The following MYO3B variants were observed in gnomAD, a reference collection of about 807,000 sequenced individuals.
The protein encoded by MYO3B is myosin-IIIb.
A neutral mutation model predicts 174.6 loss-of-function variants in MYO3B; 156 were observed. The ratio of observed to expected loss-of-function variants is 0.89; its 90% CI spans 0.78 to 1.02. The LOEUF (loss-of-function observed/expected upper bound fraction) is 1.02, where lower values mean the gene tolerates loss of function less well. Among genes scored for constraint, MYO3B ranks in the 50% least tolerant of loss-of-function variants. The probability of loss-of-function intolerance (pLI) is 0.00; values close to 1 mark genes in which losing one functional copy is unlikely to be tolerated. For missense variants in MYO3B, 1,632 were observed against 1,639.4 expected (o/e 1.00, Z 0.08); for synonymous variants, 563 against 569.1 (o/e 0.99, Z 0.15).
intron 16 of MYO3B, among the ~76,000 whole-genome samples, chr2:170,393,187 G>C (rs530134864): frequency 6.6e-6 from 1 of 151,192 alleles, no homozygotes; most frequent in African/African-American, 2.4e-5. Flanking sequence ...GGCTTCAAGC[G>C]ATTCTCCTGC....
At chr2:170,191,678 C>T (rs999359587) in intron 1 of MYO3B, among the ~76,000 whole-genome samples, 2 of 152,276 alleles carry the variant, frequency 1.3e-5, no homozygotes, top group Admixed American at 6.5e-5. Flanking sequence ...AGATTATCTC[C>T]GTGCCACATG....
intron 7 of MYO3B, among the ~76,000 whole-genome samples, chr2:170,318,173 AAACT>A (rs1314415632): frequency 2.0e-5 from 3 of 152,210 alleles, no homozygotes; most frequent in Non-Finnish European, 4.4e-5. Context: ...TGTCATTGGG[AAACT>A]AACTAGTTGC....
chr2:170,475,191 T>C (rs1280609403), intron 25 of MYO3B, among the ~76,000 whole-genome samples: 2 of 152,202 alleles, frequency 1.3e-5, no homozygotes, highest in African/African-American at 2.4e-5. Context: ...GGACCCAGCA[T>C]AGAAGTGCTG....
chr2:170,555,011 A>G (rs1283353854), intron 32 of MYO3B, among the ~76,000 whole-genome samples: 1 of 152,054 alleles, frequency 6.6e-6, no homozygotes, highest in Non-Finnish European at 1.5e-5. Context: ...CAAACATACA[A>G]TTGTTTAATG....
intron 1 of MYO3B, among the ~76,000 whole-genome samples, chr2:170,190,003 C>T (rs1020909719): frequency 1.3e-5 from 2 of 152,162 alleles, no homozygotes; most frequent in African/African-American, 4.8e-5. Context: ...TTCAAAGGGA[C>T]ATGAGTGTTG....
intron 32 of MYO3B, among the ~76,000 whole-genome samples, chr2:170,587,988 A>T (rs1034861999): frequency 2.6e-5 from 4 of 152,212 alleles, no homozygotes; most frequent in African/African-American, 9.6e-5. Context: ...GGACTTATAC[A>T]TATGGAGGCC....
At chr2:170,215,056 A>T (rs2092813038) in intron 5 of MYO3B, among the ~76,000 whole-genome samples, 1 of 152,264 alleles carries the variant, frequency 6.6e-6, no homozygotes, top group African/African-American at 2.4e-5. Flanking sequence ...ATTGAAAATA[A>T]AAGTGTTTCA....
chr2:170,536,766 T>C (rs1244395025), intron 30 of MYO3B, among the ~76,000 whole-genome samples: 2 of 152,226 alleles, frequency 1.3e-5, no homozygotes, highest in African/African-American at 2.4e-5. Context: ...CCTTTGTAAT[T>C]TGAATTTACT....
At chr2:170,536,929 T>C (rs1227753653) in intron 30 of MYO3B, among the ~76,000 whole-genome samples, 2 of 152,028 alleles carry the variant, frequency 1.3e-5, no homozygotes, top group African/African-American at 4.8e-5. Flanking sequence ...CGGCTGGGCG[T>C]GGTGGCTCAC....
intron 5 of MYO3B, among the ~76,000 whole-genome samples, chr2:170,215,758 A>G (rs1239035330): frequency 6.6e-6 from 1 of 152,200 alleles, no homozygotes; most frequent in Non-Finnish European, 1.5e-5. Context: ...GCTCCTCTTT[A>G]TAAGGAATGA....
intron 32 of MYO3B, among the ~76,000 whole-genome samples, chr2:170,590,614 T>TCAAAACTCTCTGAATCTA (rs1205138524): frequency 6.1e-5 from 9 of 148,220 alleles, no homozygotes; most frequent in African/African-American, 2.3e-4. Context: ...TTTTTTTGCC[T>TCAAAACTCTCTGAATCTA]CAAAACTCTC....
At chr2:170,242,080 T>G (rs146882552) in intron 7 of MYO3B, among the ~76,000 whole-genome samples, 205 of 152,250 alleles carry the variant, frequency 1.3e-3, no homozygotes, top group Middle Eastern at 0.01. Context: ...TGCTGAGTGT[T>G]TAATGGCACA....
chr2:170,436,657 A>G (rs1248267520), intron 22 of MYO3B, among the ~76,000 whole-genome samples: 1 of 152,252 alleles, frequency 6.6e-6, no homozygotes, highest in Non-Finnish European at 1.5e-5. Flanking sequence ...ATTTTGCTAC[A>G]GAATCAAATG....
At chr2:170,560,256 T>C (rs768176194) in intron 32 of MYO3B, among the ~76,000 whole-genome samples, 19 of 152,352 alleles carry the variant, frequency 1.2e-4, no homozygotes, top group South Asian at 6.2e-4. Context: ...CTTGAATCTT[T>C]ACTGCATTTG....
chr2:170,451,000 A>C (rs1683566296), intron 23 of MYO3B, among the ~76,000 whole-genome samples: 2 of 152,240 alleles, frequency 1.3e-5, no homozygotes, highest in Admixed American at 6.5e-5. Flanking sequence ...TAACTTGCTT[A>C]AACCTTCAAT....
intron 10 of MYO3B, 37 bp downstream of exon 10, chr2:170,382,149 A>T (rs761263058): frequency 2.0e-5 from 31 of 1,539,412 alleles, no homozygotes; most frequent in Admixed American, 3.3e-5. Context: ...CATTGAAGAC[A>T]TTTGTTTCAT....
At chr2:170,196,113 A>T (rs985379749) in intron 1 of MYO3B, among the ~76,000 whole-genome samples, 2 of 152,208 alleles carry the variant, frequency 1.3e-5, no homozygotes, top group African/African-American at 2.4e-5. Flanking sequence ...TGTGCATATT[A>T]GGGTCATTCC....
intron 20 of MYO3B, among the ~76,000 whole-genome samples, chr2:170,404,635 C>A (rs781456153): frequency 1.2e-4 from 19 of 152,134 alleles, no homozygotes; most frequent in South Asian, 2.1e-4. Flanking sequence ...ACATGATTAG[C>A]ATTACCCCCA....
At chr2:170,549,943 G>C (rs1246482272) in intron 32 of MYO3B, among the ~76,000 whole-genome samples, 1 of 152,194 alleles carries the variant, frequency 6.6e-6, no homozygotes, top group African/African-American at 2.4e-5. Context: ...GGGAAAGCAT[G>C]TTCCTACAAC....
Sources: gnomAD v4.1 joint callset for allele counts (sites outside exome capture counted in the v4.1 genomes callset) on GRCh38, gnomAD v4.1.1 for gene constraint, MANE v1.5 for transcripts, NCBI Gene and HGNC (gene_info 2026-07-23, HGNC 2026-07-21) for gene names.